Variants in NUDT13 observed in about 807,000 individuals in gnomAD.
NUDT13 encodes the protein NAD(P)H pyrophosphatase NUDT13, mitochondrial.
NUDT13 carries 40 observed loss-of-function variants against 41.7 expected under a neutral mutation model. That is an observed-to-expected ratio of 0.96 (90% CI 0.75 to 1.25). The LOEUF (loss-of-function observed/expected upper bound fraction) is 1.25. NUDT13 is among the 50% of genes most tolerant of loss of function. NUDT13 has a pLI of 0.00. For synonymous variants in NUDT13, 145 were observed against 155.5 expected (o/e 0.93, Z 0.50); for missense variants, 390 against 416.1 (o/e 0.94, Z 0.55).
chr10:73,118,816 A>G (rs1302730211), intron 2 of NUDT13, among the ~76,000 whole-genome samples: 1 of 151,788 alleles, frequency 6.6e-6, no homozygotes, highest in African/African-American at 2.4e-5. Context: ...CTACTAAAAT[A>G]CAGAAATTAG....
chr10:73,125,411 C>T lies in NUDT13; in HGVS notation c.605C>T (p.Ala202Val), dbSNP rs767305009. Residue 202 changes from alanine (A) to valine (V), a missense_variant, in exon 7 of 9, where the codon GCG becomes GTG. Ala to Val is a moderately conservative substitution (Grantham distance 64). Transcript: ENST00000357321. Reference protein sequence around the residue: ...IIYYPQMAPVAITLVSDGTRC... With the variant: ...IIYYPQMAPVVITLVSDGTRC... ...CCCCTTTCCTAGATGGCTCCTGTGG[C>T]GATCACGCTGGTGTCAGATGGGACC... The T allele has an allele frequency of 5.6e-6, 9 of 1,613,474 alleles. No homozygotes were observed. In the East Asian group the frequency reaches 6.7e-5, roughly 12 times the overall value.
chr10:73,122,964 G>A (rs561743307), intron 4 of NUDT13, among the ~76,000 whole-genome samples: 4 of 149,318 alleles, frequency 2.7e-5, no homozygotes, highest in East Asian at 4.0e-4. Context: ...GCAATGGCGC[G>A]ATCTCGGCTC....
chr10:73,115,857 A>G (rs1842494635), intron 2 of NUDT13, among the ~76,000 whole-genome samples: 1 of 152,192 alleles, frequency 6.6e-6, no homozygotes, highest in Non-Finnish European at 1.5e-5. Context: ...ATAGCACATG[A>G]AGATGATAAA....
Position 73,122,391 on chromosome 10 carries a change from A to C in NUDT13, c.358+82A>C. On this transcript the variant is annotated intron_variant, in intron 4 of 8. Transcript: ENST00000357321. ...CACATAATGGTAAAATTTAAAGGAA[A>C]ATTTGGGGAATACAAAAGGTTATCA... 4.5e-6 allele frequency: 6 copies of C among 1,337,220 alleles called. No individual in the cohort carries two copies. In the South Asian group the frequency reaches 8.6e-5, roughly 19 times the overall value. 82.8% of individuals were successfully genotyped at this position (1,337,220 alleles called of 1,614,324 possible). A position where few individuals can be genotyped will look rare whatever the true frequency, so the allele number is the denominator to read the frequency against.
At chr10:73,120,205 G>A (rs780633001) in intron 3 of NUDT13, 48 bp downstream of exon 3, 65 of 1,570,644 alleles carry the variant, frequency 4.1e-5, no homozygotes, top group African/African-American at 8.2e-5. Flanking sequence ...TGGCCACTAC[G>A]CAGAATTCAG....
At position 73,125,509 on chromosome 10, in the gene NUDT13, G is replaced by C; in HGVS notation, c.703G>C (p.Gly235Arg). The C allele has an allele frequency of 6.3e-7, 1 of 1,579,032 alleles. No individual in the cohort carries two copies. The highest frequency in any genetic ancestry group is 1.1e-5 in the South Asian group (1 of 87,120). Reference sequence around the variant, plus strand: ...TGCCTTGGCAGGTTTTTGTGATATAGGTGAGGAGTTTAGGGGATATACAGG... The same window carrying C: ...TGCCTTGGCAGGTTTTTGTGATATACGTGAGGAGTTTAGGGGATATACAGG... ...YSALAGFCDI[G>R]ESVEETIRRE... is the part of the protein sequence containing the mutation. The change falls in exon 7 of 9, where the codon GGT (glycine) becomes CGT (arginine). Residue 235 changes from glycine (G) to arginine (R), a missense_variant and splice_region_variant. Transcript: ENST00000357321.
rs559525841 is a variant in NUDT13, at chr10:73,114,055, A to G, written c.-9-302A>G. 3.9e-5 allele frequency among the ~76,000 whole-genome samples: 6 copies of G among 152,230 alleles called. No individual in the cohort carries two copies. In the South Asian group the frequency reaches 1.2e-3, roughly 32 times the overall value. ...TAGCTGCCTTCTGAAAAAATTTCCT[A>G]ATGTTGTGACTTTATATATTCTTAT... On this transcript the variant is annotated intron_variant, in intron 1 of 8. Transcript: ENST00000357321.
chr10:73,124,084 A>G, intron 4 of NUDT13, 130 bp from the exon 5 acceptor site: 1 of 629,676 alleles, frequency 1.6e-6, no homozygotes, highest in Middle Eastern at 4.1e-4. Flanking sequence ...CTACAGGCAC[A>G]CGCCCCCCAC....
intron 2 of NUDT13, among the ~76,000 whole-genome samples, chr10:73,117,422 T>C (rs1842539105): frequency 6.6e-6 from 1 of 151,376 alleles, no homozygotes; most frequent in Admixed American, 6.6e-5. Flanking sequence ...CCAGGTGTGG[T>C]GGCGGGCACC....
rs148109760 is a variant in NUDT13 at position 73,114,429 on chromosome 10, A to G, written c.64A>G (p.Thr22Ala). The G allele has an allele frequency of 6.9e-5, 110 of 1,586,920 alleles. No individual in the cohort carries two copies. In the African/African-American group the frequency reaches 1.3e-3, roughly 19 times the overall value. The change falls in exon 2 of 9, where the codon ACC (threonine) becomes GCC (alanine). Residue 22 changes from threonine (T) to alanine (A), a missense_variant. Physicochemically the swap from Thr to Ala is moderately conservative, Grantham distance 58. Coordinates refer to ENST00000357321, the MANE Select transcript of NUDT13 (RefSeq NM_015901.6). ...KFFWCYRLLSTYVTKTRYLFE... is the reference protein window; with the variant it reads ...KFFWCYRLLSAYVTKTRYLFE... ...TTTTTGGTGCTATAGGCTGCTGTCAACCTATGTTACTAAGACACGGTGAGT... is the reference window on the plus strand; with the variant it reads ...TTTTTGGTGCTATAGGCTGCTGTCAGCCTATGTTACTAAGACACGGTGAGT...
At chr10:73,111,211 C>CACGA (rs1402094874) in intron 1 of NUDT13, among the ~76,000 whole-genome samples, 4 of 152,244 alleles carry the variant, frequency 2.6e-5, no homozygotes, top group African/African-American at 9.6e-5. Context: ...ATCTCCTGAC[C>CACGA]TCGTGATCCG....
At chr10:73,112,232 A>G (rs986286646) in intron 1 of NUDT13, among the ~76,000 whole-genome samples, 1 of 152,144 alleles carries the variant, frequency 6.6e-6, no homozygotes, top group Non-Finnish European at 1.5e-5. Flanking sequence ...GTATGCCTGT[A>G]ATCCCAACTA....
At position 73,125,129 on chromosome 10, in the gene NUDT13, T is replaced by C. The variant is rs975242732; in HGVS notation, c.477T>C (p.Leu159=). ...DASLLSTAQA[L]LRWHDAHQFC... is the part of the protein sequence containing the mutation. Reference sequence around the variant, plus strand: ...CATTGTGTTCCTAGGCTCAAGCTCTTCTCCGCTGGCATGATGCTCATCAGT... The same window carrying C: ...CATTGTGTTCCTAGGCTCAAGCTCTCCTCCGCTGGCATGATGCTCATCAGT... The change falls in exon 6 of 9, where the codon CTT becomes CTC. Residue 159 remains leucine (L), a synonymous_variant. Coordinates refer to ENST00000357321, the MANE Select transcript of NUDT13 (RefSeq NM_015901.6). The C allele has an allele frequency of 6.2e-7, 1 of 1,609,460 alleles. No homozygotes were observed. The highest frequency in any genetic ancestry group is 1.7e-5 in the Admixed American group (1 of 57,978).
At chr10:73,124,593 A>G in intron 5 of NUDT13, 1 of 390,688 alleles carries the variant, frequency 2.6e-6, no homozygotes, top group Non-Finnish European at 4.6e-6. Context: ...AAACATTTTT[A>G]ATGACCCACA....
chr10:73,113,120 C>T (rs1463128881), intron 1 of NUDT13, among the ~76,000 whole-genome samples: 3 of 152,156 alleles, frequency 2.0e-5, no homozygotes, highest in East Asian at 1.9e-4. Context: ...CTCCTGACCT[C>T]GGGTGATCCG....
At chr10:73,122,044 G>C in intron 3 of NUDT13, 131 bp from the exon 4 acceptor site, 1 of 962,914 alleles carries the variant, frequency 1.0e-6, no homozygotes, top group Middle Eastern at 2.3e-4. Flanking sequence ...TAGCTAATTA[G>C]CTGCAGTTGG....
At chr10:73,115,407 C>CT (rs781523034) in intron 2 of NUDT13, among the ~76,000 whole-genome samples, 1 of 152,128 alleles carries the variant, frequency 6.6e-6, no homozygotes, top group Non-Finnish European at 1.5e-5. Flanking sequence ...GAACTGAGCT[C>CT]TGGCAATCCA....
intron 5 of NUDT13, 156 bp downstream of exon 5, chr10:73,124,476 A>C: frequency 1.7e-6 from 1 of 571,486 alleles, no homozygotes; most frequent in South Asian, 2.4e-5. Flanking sequence ...CTGTAGGGAG[A>C]TTGCTTATTC....
chr10:73,126,675 G>A lies in NUDT13; in HGVS notation c.706G>A (p.Glu236Lys). Residue 236 changes from glutamate (E) to lysine (K), a missense_variant and splice_region_variant, in exon 8 of 9, where the codon GAA becomes AAA. By Grantham distance (56) the Glu-to-Lys change is moderately conservative. Coordinates refer to ENST00000357321, the MANE Select transcript of NUDT13 (RefSeq NM_015901.6). ...SALAGFCDIGESVEETIRREV... is the reference protein window; with the variant it reads ...SALAGFCDIGKSVEETIRREV... ...TGAATTAATCTGAGTGCTTGTAGGT[G>A]AAAGTGTGGAAGAGACCATCCGCCG... 5 of 1,614,066 alleles carry A rather than the reference G, an allele frequency of 3.1e-6. No individual in the cohort carries two copies. Among genetic ancestry groups the A allele is most frequent in the Non-Finnish European group, 3.4e-6 (4 of 1,179,976 alleles).
Sources: gnomAD v4.1 joint callset for allele counts (sites outside exome capture counted in the v4.1 genomes callset) on GRCh38, gnomAD v4.1.1 for gene constraint, MANE v1.5 for transcripts, NCBI Gene and HGNC (gene_info 2026-07-23, HGNC 2026-07-21) for gene names.